Variants in NOL4L observed in about 807,000 individuals in gnomAD.
NOL4L encodes nucleolar protein 4-like.
A neutral mutation model predicts 64.5 loss-of-function variants in NOL4L; 7 were observed. The ratio of observed to expected loss-of-function variants is 0.11; its 90% CI spans 0.06 to 0.20. NOL4L has a LOEUF of 0.20. Among genes scored for constraint, NOL4L ranks in the 10% least tolerant of loss-of-function variants. NOL4L has a pLI of 1.00. For missense variants in NOL4L, 680 were observed against 967.1 expected, an observed-to-expected ratio of 0.70 and a Z score of 3.94; for synonymous variants, 413 against 401.0, an observed-to-expected ratio of 1.03 and a Z score of -0.36.
chr20:32,468,900 C>CAAAAAAAA (rs555969764), intron 5 of NOL4L, among the ~76,000 whole-genome samples: 1 of 95,234 alleles, frequency 1.1e-5, no homozygotes, highest in Non-Finnish European at 2.2e-5. Context: ...GACTCCATCT[C>CAAAAAAAA]AAAAAAAAAA....
intron 1 of NOL4L, among the ~76,000 whole-genome samples, chr20:32,541,005 CCCTACA>C (rs774828090): frequency 7.1e-3 from 375 of 52,486 alleles, no homozygotes; most frequent in Admixed American, 9.5e-3. Context: ...CCTCGCCACC[CCCTACA>C]CACACACACA....
chr20:32,537,877 C>G (rs1202110270), intron 1 of NOL4L, among the ~76,000 whole-genome samples: 1 of 151,754 alleles, frequency 6.6e-6, no homozygotes, highest in South Asian at 2.1e-4. Flanking sequence ...CTCCTGGGTT[C>G]AAGCGATTCT....
chr20:32,548,714 G>A (rs2018761882), intron 1 of NOL4L: 2 of 355,070 alleles, frequency 5.6e-6, no homozygotes, highest in South Asian at 4.2e-5. Context: ...GCCCTCAGAC[G>A]CAGCAATTCA....
At chr20:32,537,274 AC>A (rs1197303423) in intron 1 of NOL4L, among the ~76,000 whole-genome samples, 8 of 151,288 alleles carry the variant, frequency 5.3e-5, no homozygotes, top group Admixed American at 1.3e-4. Context: ...GCAGACTTGA[AC>A]CCCCCATCCC....
Position 32,453,832 on chromosome 20 carries a change from C to T in NOL4L, c.1120-71G>A, listed in dbSNP as rs528207820. On this transcript the variant is annotated intron_variant, in intron 6 of 10. Transcript: ENST00000621426. This position sits in a 1 kb window ranked among gnomAD's most constrained non-coding sequence, Gnocchi z 5.6. ...AAGCCCTTGCTGGGTCTCCTACAGG[C>T]GGTGAGCTTGGGGACCAGGGTGGCA... The T allele has an allele frequency of 6.2e-5, 91 of 1,459,512 alleles. No homozygotes were observed. The East Asian group carries it at 1.4e-3, about 22-fold the overall frequency. The allele number at this position is 1,459,512 out of a possible 1,614,324, so 90.4% of individuals were successfully genotyped here.
intron 4 of NOL4L, among the ~76,000 whole-genome samples, chr20:32,497,154 A>C (rs972383301): frequency 4.6e-5 from 7 of 151,368 alleles, no homozygotes; most frequent in Non-Finnish European, 8.8e-5. Flanking sequence ...CAAAGCCATT[A>C]TCTCTAATTG....
chr20:32,503,972 G>A (rs2017028655), intron 4 of NOL4L, among the ~76,000 whole-genome samples: 1 of 151,896 alleles, frequency 6.6e-6, no homozygotes, highest in Non-Finnish European at 1.5e-5. Flanking sequence ...GCCCATCTGA[G>A]CTTTTTATGA....
At chr20:32,579,760 G>A (rs1980349790) in intron 1 of NOL4L, among the ~76,000 whole-genome samples, 1 of 152,142 alleles carries the variant, frequency 6.6e-6, no homozygotes, top group Non-Finnish European at 1.5e-5. Flanking sequence ...CCAGGACCAT[G>A]CCACCCAAAT....
intron 9 of NOL4L, 92 bp downstream of exon 9, chr20:32,452,792 C>T: frequency 3.2e-6 from 5 of 1,561,714 alleles, no homozygotes; most frequent in Non-Finnish European, 1.7e-6. Context: ...CCCGACTGTA[C>T]CCATCACAGC....
intron 1 of NOL4L, among the ~76,000 whole-genome samples, chr20:32,579,603 TAC>T (rs966601944): frequency 6.6e-6 from 1 of 152,030 alleles, no homozygotes; most frequent in Non-Finnish European, 1.5e-5. Context: ...AGGGTTTTCC[TAC>T]CAGCTCCTAC....
In NOL4L at chr20:32,490,000, G is replaced by A. The variant is rs561337772; in HGVS notation, c.700-15258C>T. On this transcript the variant is annotated intron_variant, in intron 4 of 10. Transcript: ENST00000621426. Reference sequence around the variant, plus strand: ...AAAAATTAGCTGGGCGTGGTGGTGCGTGTCTGTAGTCCTAGCTACTGGGGA... The same window carrying A: ...AAAAATTAGCTGGGCGTGGTGGTGCATGTCTGTAGTCCTAGCTACTGGGGA... 3.3e-4 allele frequency among the ~76,000 whole-genome samples: 49 copies of A among 150,632 alleles called. 1 individual carries two copies. The South Asian group carries it at 8.9e-3, about 27-fold the overall frequency.
Position 32,443,583 on chromosome 20 carries a change from A to G in NOL4L, c.*4013T>C, listed in dbSNP as rs1056268058. 2.0e-5 allele frequency: 3 copies of G among 152,304 alleles called. No homozygotes were observed. Among genetic ancestry groups the G allele is most frequent in the African/African-American group, 7.2e-5 (3 of 41,464 alleles). 9.4% of individuals were successfully genotyped at this position (152,304 alleles called of 1,614,324 possible). On this transcript the variant is annotated 3_prime_UTR_variant, in exon 11 of 11. Coordinates refer to ENST00000621426, the MANE Select transcript of NOL4L (RefSeq NM_001256798.2). ...TCATGAAGGAGCTGCCCCCAGAGGA[A>G]CCCTGAAGAAATGGCTTGTACTATC... is the stretch of plus-strand genomic sequence containing the variant.
At chr20:32,537,016 C>A (rs1009321989) in intron 1 of NOL4L, 5 of 974,718 alleles carry the variant, frequency 5.1e-6, no homozygotes, top group East Asian at 1.1e-4. Context: ...CTCGCGTCCC[C>A]CTTCCGGCCC....
chr20:32,531,235 A>G (rs935953058), intron 1 of NOL4L, among the ~76,000 whole-genome samples: 8 of 152,218 alleles, frequency 5.3e-5, no homozygotes, highest in Non-Finnish European at 1.0e-4. Flanking sequence ...AAAAGGAAGG[A>G]GATAAAATTT....
intron 4 of NOL4L, among the ~76,000 whole-genome samples, chr20:32,498,389 A>G (rs2016779903): frequency 6.6e-6 from 1 of 151,782 alleles, no homozygotes; most frequent in Admixed American, 6.6e-5. Flanking sequence ...GATGTTTGAC[A>G]ATGAGCTTTT....
At chr20:32,532,343 GCCA>G in intron 1 of NOL4L, 3 of 985,346 alleles carry the variant, frequency 3.0e-6, no homozygotes, top group Non-Finnish European at 2.4e-6. Context: ...GTGAGCTAGG[GCCA>G]CCTGGATTCC....
At chr20:32,536,941 T>A (rs1600853350) in intron 1 of NOL4L, 1 of 511,452 alleles carries the variant, frequency 2.0e-6, no homozygotes, top group African/African-American at 2.1e-5. Context: ...CCCGCTCACC[T>A]GGAGACCGCG....
At chr20:32,527,505 A>T (rs1420171594) in intron 2 of NOL4L, among the ~76,000 whole-genome samples, 1 of 151,924 alleles carries the variant, frequency 6.6e-6, no homozygotes, top group Non-Finnish European at 1.5e-5. Context: ...TCCTGCCCTC[A>T]TCCCTCTCCT....
intron 3 of NOL4L, among the ~76,000 whole-genome samples, chr20:32,515,425 T>C (rs2017609361): frequency 6.6e-6 from 1 of 152,008 alleles, no homozygotes; most frequent in South Asian, 2.1e-4. Flanking sequence ...CATGGAGCCA[T>C]GGGTGGGAGG....
Sources: gnomAD v4.1 joint callset for allele counts (sites outside exome capture counted in the v4.1 genomes callset) on GRCh38, gnomAD v4.1.1 for gene constraint, Gnocchi (gnomAD v3.1) non-coding constraint, MANE v1.5 for transcripts, NCBI Gene and HGNC (gene_info 2026-07-23, HGNC 2026-07-21) for gene names.